CALN1: variants seen among roughly 807,000 people sequenced by gnomAD.
CALN1 encodes the protein calcium-binding protein 8.
In CALN1, 17 loss-of-function variants were observed where a neutral mutation model predicts 30.6. That is an observed-to-expected ratio of 0.56 (90% CI 0.38 to 0.83). The LOEUF is 0.83. Among genes scored for constraint, CALN1 ranks in the 40% least tolerant of loss-of-function variants. CALN1 has a pLI of 0.00. For synonymous variants in CALN1, 156 were observed against 131.4 expected, an observed-to-expected ratio of 1.19 and a Z score of -1.28; for missense variants, 291 against 354.9, an observed-to-expected ratio of 0.82 and a Z score of 1.45.
At chr7:72,203,972 CCTCT>C (rs1292695799) in intron 3 of CALN1, among the ~76,000 whole-genome samples, 6 of 132,756 alleles carry the variant, frequency 4.5e-5, no homozygotes, top group Admixed American at 7.9e-5. Flanking sequence ...ATATAAGAGG[CCTCT>C]CTCTTTTTTT....
At chr7:72,178,477 G>A (rs1046788625) in intron 3 of CALN1, among the ~76,000 whole-genome samples, 2 of 152,100 alleles carry the variant, frequency 1.3e-5, no homozygotes, top group Non-Finnish European at 2.9e-5. Context: ...TGAATCACGA[G>A]GTCAGGAGTT....
chr7:72,348,615 G>C (rs1177718430), intron 2 of CALN1, among the ~76,000 whole-genome samples: 2 of 152,220 alleles, frequency 1.3e-5, no homozygotes, highest in East Asian at 3.8e-4. Flanking sequence ...ACGTAAGAAA[G>C]AACTGGAAAA....
chr7:72,311,999 G>GGC (rs1800086573), intron 2 of CALN1, among the ~76,000 whole-genome samples: 2 of 152,108 alleles, frequency 1.3e-5, no homozygotes, highest in Admixed American at 1.3e-4. Context: ...ACCTGCCACA[G>GGC]GCGCCACTTC....
intron 6 of CALN1, among the ~76,000 whole-genome samples, chr7:71,803,843 G>A (rs972378313): frequency 1.3e-5 from 2 of 151,972 alleles, no homozygotes; most frequent in Admixed American, 1.3e-4. Flanking sequence ...CCTTCCTTGG[G>A]AGAAAATGTA....
intron 4 of CALN1, among the ~76,000 whole-genome samples, chr7:72,095,975 G>C (rs1190509562): frequency 6.6e-6 from 1 of 152,138 alleles, no homozygotes; most frequent in Admixed American, 6.6e-5. Flanking sequence ...AGGGGGCAAG[G>C]CTGCAGTGAG....
intron 4 of CALN1, among the ~76,000 whole-genome samples, chr7:72,083,575 C>A (rs1471368811): frequency 6.6e-6 from 1 of 151,810 alleles, no homozygotes; most frequent in African/African-American, 2.4e-5. Flanking sequence ...CTGAGCAAGA[C>A]CTCATCTATA....
chr7:71,787,728 T>G lies in CALN1; in HGVS notation c.*47A>C. ...GGAGGAAGAGTCTGCCCGCACGGCA[T>G]GCACATGCGCGGTGAGCTGCAACAC... is the stretch of plus-strand genomic sequence containing the variant. On this transcript the variant is annotated 3_prime_UTR_variant, in exon 7 of 7. Coordinates refer to ENST00000395275, the MANE Select transcript of CALN1 (RefSeq NM_031468.4). 6.2e-7 allele frequency: 1 copy of G among 1,607,080 alleles called. No homozygotes were observed. The highest frequency in any genetic ancestry group is 8.5e-7 in the Non-Finnish European group (1 of 1,176,390).
chr7:72,331,134 G>C (rs906019978), intron 2 of CALN1, among the ~76,000 whole-genome samples: 20 of 152,138 alleles, frequency 1.3e-4, no homozygotes, highest in African/African-American at 4.8e-4. Flanking sequence ...TAGATTACCT[G>C]AAGTCAGGAG....
chr7:72,363,577 T>G (rs1201368220), intron 2 of CALN1, among the ~76,000 whole-genome samples: 1 of 151,624 alleles, frequency 6.6e-6, no homozygotes, highest in Non-Finnish European at 1.5e-5. Flanking sequence ...CTTACTTTTT[T>G]TACAGAAAAA....
intron 5 of CALN1, among the ~76,000 whole-genome samples, chr7:71,863,592 AAAG>A (rs1791425453): frequency 6.6e-6 from 1 of 151,376 alleles, no homozygotes; most frequent in Non-Finnish European, 1.5e-5. Context: ...AAGAAGAAAG[AAAG>A]AAATAACAAC....
chr7:71,863,618 C>T (rs191931836), intron 5 of CALN1, among the ~76,000 whole-genome samples: 82 of 140,554 alleles, frequency 5.8e-4, no homozygotes, highest in African/African-American at 2.1e-3. Flanking sequence ...AACACCCATA[C>T]AAGCAACTAG....
chr7:71,866,667 C>A (rs1225083329), intron 5 of CALN1, among the ~76,000 whole-genome samples: 1 of 152,050 alleles, frequency 6.6e-6, no homozygotes. Context: ...AACATCCTAC[C>A]GAACCCCCAA....
At chr7:72,172,100 C>T (rs980360530) in intron 3 of CALN1, among the ~76,000 whole-genome samples, 1 of 152,194 alleles carries the variant, frequency 6.6e-6, no homozygotes, top group Admixed American at 6.5e-5. Context: ...GAGTAATCCA[C>T]CAGGGAACAG....
the CALN1 span, among the ~76,000 whole-genome samples, chr7:72,503,656 C>T: frequency 6.6e-6 from 1 of 151,970 alleles, no homozygotes; most frequent in Admixed American, 6.6e-5. Flanking sequence ...TCCTGAAAAC[C>T]GAGGAAGCCA....
At chr7:72,347,139 T>A (rs1048887780) in intron 2 of CALN1, among the ~76,000 whole-genome samples, 2 of 152,120 alleles carry the variant, frequency 1.3e-5, no homozygotes, top group Admixed American at 1.3e-4. Flanking sequence ...AGCCACAGAT[T>A]CAGGAAGTCC....
intron 1 of CALN1, among the ~76,000 whole-genome samples, chr7:72,420,317 A>G (rs1358229969): frequency 6.6e-6 from 1 of 152,116 alleles, no homozygotes; most frequent in Non-Finnish European, 1.5e-5. Flanking sequence ...CCCAGCATGA[A>G]ATAACTACAT....
chr7:72,278,830 G>A lies in CALN1; in HGVS notation c.120-20C>T. On this transcript the variant is annotated intron_variant, in intron 2 of 6. Transcript: ENST00000395275. ...TTTTCCCTGCCCAAGAGAGAACAGGGGAGGGGAAAAGAAAGACATCATCAT... is the reference window on the plus strand; with the variant it reads ...TTTTCCCTGCCCAAGAGAGAACAGGAGAGGGGAAAAGAAAGACATCATCAT... 1.3e-6 allele frequency: 2 copies of A among 1,594,636 alleles called. No homozygotes were observed. Among genetic ancestry groups the A allele is most frequent in the Non-Finnish European group, 8.6e-7 (1 of 1,163,760 alleles).
In CALN1 at chr7:72,263,340, G is replaced by C. The variant is rs1796395307; in HGVS notation, c.244+15346C>G. 2.0e-5 allele frequency among the ~76,000 whole-genome samples: 3 copies of C among 152,150 alleles called. No individual in the cohort carries two copies. In the South Asian group the frequency reaches 6.2e-4, roughly 32 times the overall value. The stretch of plus-strand genomic sequence containing the variant: ...GTGAGAAAATCAAAACTTGTGGGGT[G>C]GTGAAGTAGGTCAAATGCCATGCAT... On this transcript the variant is annotated intron_variant, in intron 3 of 6. Coordinates refer to ENST00000395275, the MANE Select transcript of CALN1 (RefSeq NM_031468.4).
chr7:72,168,604 T>C (rs763651675), intron 3 of CALN1, among the ~76,000 whole-genome samples: 62 of 152,290 alleles, frequency 4.1e-4, no homozygotes, highest in Middle Eastern at 3.4e-3. Context: ...ACTGGATTTA[T>C]AGACTGTAAC....
Sources: allele counts gnomAD v4.1 joint callset (sites outside exome capture counted in the v4.1 genomes callset), GRCh38; gene constraint gnomAD v4.1.1; transcripts MANE v1.5; gene names NCBI Gene and HGNC (gene_info 2026-07-23, HGNC 2026-07-21).